The following GPC6 variants were observed in gnomAD, a reference collection of about 807,000 sequenced individuals.
GPC6 encodes the protein glypican-6.
Under a neutral mutation model 55.2 loss-of-function variants are expected in GPC6, and 14 were observed. That is an observed-to-expected ratio of 0.25 (90% confidence interval 0.17 to 0.40). The LOEUF (loss-of-function observed/expected upper bound fraction) is 0.40, where lower values mean the gene tolerates loss of function less well. Ranked by LOEUF, GPC6 falls within the 10% of genes least tolerant of loss-of-function variation. The pLI, the probability that GPC6 is intolerant of heterozygous loss-of-function variation, is 1.00. For synonymous variants in GPC6, 278 were observed against 259.6 expected (o/e 1.07, Z -0.68); for missense variants, 641 against 708.5 (o/e 0.90, Z 1.08).
At chr13:93,375,804 C>A (rs1413612178) in intron 1 of GPC6, among the ~76,000 whole-genome samples, 2 of 152,162 alleles carry the variant, frequency 1.3e-5, no homozygotes, top group African/African-American at 4.8e-5. Context: ...CAATGGATTG[C>A]AGAAGTTGGA....
At position 93,528,676 on chromosome 13, in the gene GPC6, T is replaced by A. The variant is rs933506657; in HGVS notation, c.161-16587T>A. On this transcript the variant is annotated intron_variant, in intron 1 of 8. Transcript: ENST00000377047. Reference sequence around the variant, plus strand: ...TTCTAAGGTAAATATGGCAAATGAGTTGTGAGCAGGTCTGAAATTTGCAAC... The same window carrying A: ...TTCTAAGGTAAATATGGCAAATGAGATGTGAGCAGGTCTGAAATTTGCAAC... Among the ~76,000 whole-genome samples, 8 of 152,096 alleles carry A rather than the reference T, an allele frequency of 5.3e-5. 1 individual carries two copies. The highest frequency in any genetic ancestry group is 2.0e-4 in the Admixed American group (3 of 15,270).
intron 3 of GPC6, among the ~76,000 whole-genome samples, chr13:94,020,632 G>A (rs145514062): frequency 1.3e-3 from 205 of 152,166 alleles, no homozygotes; most frequent in African/African-American, 4.8e-3. Context: ...TCCTTCAAGA[G>A]CCCTCCCTGT....
chr13:93,393,155 G>T (rs1000643107), intron 1 of GPC6, among the ~76,000 whole-genome samples: 1 of 145,038 alleles, frequency 6.9e-6, no homozygotes, highest in African/African-American at 2.5e-5. Context: ...GAGAGAGAGA[G>T]AGAGTGAGAG....
At chr13:93,990,674 T>C (rs941558319) in intron 3 of GPC6, among the ~76,000 whole-genome samples, 2 of 150,506 alleles carry the variant, frequency 1.3e-5, no homozygotes, top group African/African-American at 4.9e-5. Context: ...CTGGGCAACA[T>C]AGCAAGACCC....
intron 1 of GPC6, among the ~76,000 whole-genome samples, chr13:93,334,448 C>T (rs1879974176): frequency 6.6e-6 from 1 of 151,998 alleles, no homozygotes; most frequent in African/African-American, 2.4e-5. Flanking sequence ...CAACTTCATT[C>T]TGACATTGAT....
At chr13:93,655,311 T>C (rs555225017) in intron 2 of GPC6, among the ~76,000 whole-genome samples, 23 of 152,252 alleles carry the variant, frequency 1.5e-4, no homozygotes, top group Non-Finnish European at 2.9e-4. Context: ...TATAACTGAG[T>C]CATGCCTGTG....
chr13:94,357,937 G>A (rs531144055), intron 6 of GPC6, among the ~76,000 whole-genome samples: 1 of 152,298 alleles, frequency 6.6e-6, no homozygotes, highest in Admixed American at 6.5e-5. Context: ...GCCTAATGCG[G>A]TATCTTGCAC....
intron 2 of GPC6, among the ~76,000 whole-genome samples, chr13:93,780,026 A>AGGGGGTTTAT (rs1885588138): frequency 6.6e-6 from 1 of 152,194 alleles, no homozygotes. Context: ...AACCAGACCC[A>AGGGGGTTTAT]ATACACATAG....
At chr13:93,667,668 A>G (rs1881195616) in intron 2 of GPC6, among the ~76,000 whole-genome samples, 1 of 150,966 alleles carries the variant, frequency 6.6e-6, no homozygotes, top group African/African-American at 2.4e-5. Context: ...CCTGACCTCA[A>G]GTAATCTGCC....
intron 3 of GPC6, among the ~76,000 whole-genome samples, chr13:94,019,994 G>A (rs1882634899): frequency 1.3e-5 from 2 of 151,890 alleles, no homozygotes; most frequent in Non-Finnish European, 2.9e-5. Context: ...TTTCTCTGCT[G>A]TTTCTCTATT....
upstream of GPC6, among the ~76,000 whole-genome samples, chr13:93,224,197 CTTT>C (rs34332669): frequency 3.7e-4 from 49 of 133,564 alleles, no homozygotes; most frequent in African/African-American, 5.6e-4. Flanking sequence ...CGCGCCCGGC[CTTT>C]TTTTTTTTTT....
chr13:93,477,730 A>T (rs4238306), intron 1 of GPC6, among the ~76,000 whole-genome samples: 1 of 152,176 alleles, frequency 6.6e-6, no homozygotes, highest in Non-Finnish European at 1.5e-5. Flanking sequence ...CTAAGAGTGC[A>T]CAAATCAGTA....
intron 1 of GPC6, among the ~76,000 whole-genome samples, chr13:93,392,376 TC>T (rs1186187851): frequency 1.3e-5 from 2 of 152,246 alleles, no homozygotes. Context: ...TGAAACTCCA[TC>T]CTGCCTTTTC....
intron 1 of GPC6, among the ~76,000 whole-genome samples, chr13:93,406,721 G>T (rs1369458857): frequency 6.6e-6 from 1 of 152,070 alleles, no homozygotes; most frequent in Non-Finnish European, 1.5e-5. Flanking sequence ...GGGTACTATT[G>T]TCTTGATGTG....
At chr13:93,775,193 C>A (rs955000350) in intron 2 of GPC6, among the ~76,000 whole-genome samples, 1 of 152,150 alleles carries the variant, frequency 6.6e-6, no homozygotes, top group Non-Finnish European at 1.5e-5. Context: ...CTTCAAGAGA[C>A]AGAGTCTTGC....
At chr13:93,438,651 G>A (rs1319093821) in intron 1 of GPC6, among the ~76,000 whole-genome samples, 1 of 152,150 alleles carries the variant, frequency 6.6e-6, no homozygotes, top group African/African-American at 2.4e-5. Context: ...GATAAGTGAA[G>A]AAAACAGTTT....
chr13:93,797,351 A>G (rs1268346588), intron 2 of GPC6, among the ~76,000 whole-genome samples: 1 of 152,194 alleles, frequency 6.6e-6, no homozygotes, highest in Non-Finnish European at 1.5e-5. Context: ...AAGCTAAGGC[A>G]AGAAACCAAC....
chr13:93,706,259 C>T (rs1006933430), intron 2 of GPC6, among the ~76,000 whole-genome samples: 2 of 151,932 alleles, frequency 1.3e-5, no homozygotes, highest in South Asian at 2.1e-4. Context: ...TTTGAAAATG[C>T]TTCTTCCTAA....
At chr13:93,972,713 A>G (rs1880336828) in intron 3 of GPC6, among the ~76,000 whole-genome samples, 1 of 152,160 alleles carries the variant, frequency 6.6e-6, no homozygotes, top group South Asian at 2.1e-4. Context: ...TAAGTTAGAG[A>G]ATGCTATTGG....
Sources: allele counts gnomAD v4.1 joint callset (sites outside exome capture counted in the v4.1 genomes callset), GRCh38; gene constraint gnomAD v4.1.1; transcripts MANE v1.5; gene names NCBI Gene and HGNC (gene_info 2026-07-23, HGNC 2026-07-21).